The following DGKI variants were observed in gnomAD, a reference collection of about 807,000 sequenced individuals.
The protein encoded by DGKI is DAG kinase iota.
In DGKI, 55 loss-of-function variants were observed where a neutral mutation model predicts 147.5. The ratio of observed to expected loss-of-function variants is 0.37; its 90% confidence interval spans 0.30 to 0.47. The LOEUF (loss-of-function observed/expected upper bound fraction) is 0.47, where lower values mean the gene tolerates loss of function less well. Ranked by LOEUF, DGKI falls within the 20% of genes least tolerant of loss-of-function variation. DGKI has a pLI of 1.00. For synonymous variants in DGKI, 469 were observed against 477.1 expected, an observed-to-expected ratio of 0.98 and a Z score of 0.22; for missense variants, 1,007 against 1,323.8, an observed-to-expected ratio of 0.76 and a Z score of 3.71.
At chr7:137,758,604 T>C (rs1795759042) in intron 1 of DGKI, among the ~76,000 whole-genome samples, 2 of 152,066 alleles carry the variant, frequency 1.3e-5, no homozygotes, top group Admixed American at 1.3e-4. Flanking sequence ...GAGAACCACT[T>C]GAACCTGGGA....
intron 1 of DGKI, among the ~76,000 whole-genome samples, chr7:137,791,862 A>G (rs1157073327): frequency 6.6e-6 from 1 of 152,214 alleles, no homozygotes; most frequent in South Asian, 2.1e-4. Flanking sequence ...TCAAATTATC[A>G]TGAAATGTCT....
At chr7:137,517,223 GAA>G in intron 21 of DGKI, among the ~76,000 whole-genome samples, 1 of 96,520 alleles carries the variant, frequency 1.0e-5, no homozygotes, top group African/African-American at 4.1e-5. Flanking sequence ...GAAAAGAAAA[GAA>G]AAAGAAAGAA....
chr7:137,763,572 A>G (rs183432973), intron 1 of DGKI, among the ~76,000 whole-genome samples: 69 of 152,384 alleles, frequency 4.5e-4, no homozygotes, highest in Admixed American at 1.2e-3. Context: ...TCTCATCTAC[A>G]GTGTGTGAAA....
intron 15 of DGKI, among the ~76,000 whole-genome samples, chr7:137,579,554 A>G (rs190872985): frequency 2.0e-4 from 31 of 152,138 alleles, no homozygotes; most frequent in Admixed American, 1.8e-3. Flanking sequence ...AAAAGTCCAT[A>G]CCTCTGGTCT....
intron 21 of DGKI, among the ~76,000 whole-genome samples, chr7:137,494,177 A>T (rs1310545737): frequency 6.6e-6 from 1 of 152,228 alleles, no homozygotes; most frequent in East Asian, 1.9e-4. Context: ...TTATTTAAAG[A>T]GACCAAGTCT....
At chr7:137,400,686 C>G (rs1225569967) in intron 30 of DGKI, among the ~76,000 whole-genome samples, 1 of 152,120 alleles carries the variant, frequency 6.6e-6, no homozygotes, top group Non-Finnish European at 1.5e-5. Context: ...TCCTCTGCAG[C>G]TGACAGAGGT....
At chr7:137,490,824 C>A (rs945478089) in intron 21 of DGKI, among the ~76,000 whole-genome samples, 1 of 152,094 alleles carries the variant, frequency 6.6e-6, no homozygotes, top group Non-Finnish European at 1.5e-5. Flanking sequence ...TTGTTTAAGT[C>A]CAGGAAGCAT....
At chr7:137,838,436 CG>C (rs1563221252) in intron 1 of DGKI, among the ~76,000 whole-genome samples, 1 of 152,066 alleles carries the variant, frequency 6.6e-6, no homozygotes, top group East Asian at 1.9e-4. Context: ...GAACCCTTTC[CG>C]ACCGCTTCCA....
At chr7:137,733,408 CAT>C (rs1364515266) in intron 1 of DGKI, among the ~76,000 whole-genome samples, 2 of 152,102 alleles carry the variant, frequency 1.3e-5, no homozygotes, top group Non-Finnish European at 2.9e-5. Flanking sequence ...CATGTTGTAA[CAT>C]GTGGCAGAAT....
At chr7:137,424,824 C>A (rs1446505030) in intron 28 of DGKI, among the ~76,000 whole-genome samples, 1 of 152,284 alleles carries the variant, frequency 6.6e-6, no homozygotes, top group African/African-American at 2.4e-5. Context: ...AAGGTGGGAG[C>A]GAGACTGGGG....
At chr7:137,741,164 G>A (rs1014269053) in intron 1 of DGKI, among the ~76,000 whole-genome samples, 4 of 152,180 alleles carry the variant, frequency 2.6e-5, no homozygotes, top group African/African-American at 9.7e-5. Flanking sequence ...ACACCAAAAG[G>A]AGAAAAGCAA....
chr7:137,590,817 C>T (rs1054316209), intron 12 of DGKI, among the ~76,000 whole-genome samples: 1 of 152,174 alleles, frequency 6.6e-6, no homozygotes, highest in South Asian at 2.1e-4. Context: ...CTCCGCCACG[C>T]GAGCAGCTGG....
At chr7:137,737,495 T>C (rs1273537300) in intron 1 of DGKI, among the ~76,000 whole-genome samples, 2 of 150,278 alleles carry the variant, frequency 1.3e-5, no homozygotes, top group Non-Finnish European at 3.0e-5. Flanking sequence ...TAATGGACTT[T>C]AGTCCCTTCG....
intron 1 of DGKI, among the ~76,000 whole-genome samples, chr7:137,782,622 C>T (rs748626250): frequency 5.9e-5 from 9 of 152,208 alleles, no homozygotes; most frequent in Admixed American, 1.3e-4. Flanking sequence ...GGTTTGCATC[C>T]TCCCTATAGG....
intron 28 of DGKI, among the ~76,000 whole-genome samples, chr7:137,416,620 C>G (rs1451185799): frequency 2.0e-5 from 3 of 152,138 alleles, no homozygotes; most frequent in Non-Finnish European, 1.5e-5. Flanking sequence ...TAAAAGCAAA[C>G]CAGGAGAGCA....
chr7:137,750,179 G>A (rs888673942), intron 1 of DGKI, among the ~76,000 whole-genome samples: 4 of 152,182 alleles, frequency 2.6e-5, no homozygotes, highest in African/African-American at 9.6e-5. Context: ...TTGTCGTAGA[G>A]GAGCCAGGGT....
At chr7:137,580,381 C>A (rs996446526) in intron 15 of DGKI, among the ~76,000 whole-genome samples, 3 of 152,062 alleles carry the variant, frequency 2.0e-5, no homozygotes, top group African/African-American at 7.2e-5. Flanking sequence ...CAAGGTAAGT[C>A]CCTCTGAATA....
intron 6 of DGKI, among the ~76,000 whole-genome samples, chr7:137,643,983 G>A (rs145471500): frequency 9.6e-4 from 146 of 152,066 alleles, no homozygotes; most frequent in African/African-American, 3.4e-3. Context: ...ATGCCTGCCC[G>A]GCTGCAGCAT....
At chr7:137,623,394 T>C in intron 7 of DGKI, 89 bp downstream of exon 7, 1 of 1,271,320 alleles carries the variant, frequency 7.9e-7, no homozygotes, top group Non-Finnish European at 1.1e-6. Context: ...TAGGAATGCC[T>C]TCTACTTCCA....
Sources: gnomAD v4.1 joint callset for allele counts (sites outside exome capture counted in the v4.1 genomes callset) on GRCh38, gnomAD v4.1.1 for gene constraint, MANE v1.5 for transcripts, NCBI Gene and HGNC (gene_info 2026-07-23, HGNC 2026-07-21) for gene names.